The following CHEK2 variants were observed in gnomAD, a reference collection of about 807,000 sequenced individuals.
CHEK2 encodes checkpoint kinase 2.
Under a neutral mutation model 69.1 loss-of-function variants are expected in CHEK2, and 71 were observed. The observed-to-expected ratio is 1.03, with a 90% CI of 0.85 to 1.25. The LOEUF (loss-of-function observed/expected upper bound fraction) is 1.25. Ranked by LOEUF, CHEK2 falls within the 50% of genes most tolerant of loss-of-function variation. CHEK2 has a pLI of 0.00. For missense variants in CHEK2, 664 were observed against 649.6 expected (o/e 1.02, Z -0.24); for synonymous variants, 189 against 226.9 (o/e 0.83, Z 1.50).
At chr22:28,712,674 A>G (rs1440341413) in intron 5 of CHEK2, among the ~76,000 whole-genome samples, 1 of 152,216 alleles carries the variant, frequency 6.6e-6, no homozygotes, top group African/African-American at 2.4e-5. Flanking sequence ...TCTGTCCTCC[A>G]AAGCTTGGGT....
At chr22:28,699,605 C>T (rs558034993) in intron 9 of CHEK2, among the ~76,000 whole-genome samples, 6 of 151,720 alleles carry the variant, frequency 4.0e-5, no homozygotes, top group Admixed American at 1.3e-4. Flanking sequence ...CCTCGTGATC[C>T]GCCCGCTTGG....
At chr22:28,729,996 C>T (rs557656167) in intron 2 of CHEK2, among the ~76,000 whole-genome samples, 3 of 151,384 alleles carry the variant, frequency 2.0e-5, no homozygotes, top group African/African-American at 7.3e-5. Flanking sequence ...CCTGCCACCA[C>T]GCCCGGCTAA....
Position 28,725,020 on chromosome 22 carries a change from C to T in CHEK2, c.549G>A (p.Leu183=), listed in dbSNP as rs745646057. 1 of 1,613,880 alleles carries T rather than the reference C, an allele frequency of 6.2e-7. No homozygotes were observed. The highest frequency in any genetic ancestry group is 8.5e-7 in the Non-Finnish European group (1 of 1,179,950). ...ACAGTGCAATTTCAGAATTGTTATT[C>T]AAAGGACGGCGTTTTCCTTTCCCTA... The part of the protein sequence containing the change: ...ELVGKGKRRP[L]NNNSEIALSL... Residue 183 remains leucine, a synonymous_variant, in exon 4 of 15, where the codon TTG becomes TTA. Coordinates refer to ENST00000404276, the MANE Select transcript of CHEK2 (RefSeq NM_007194.4).
intron 2 of CHEK2, among the ~76,000 whole-genome samples, chr22:28,730,218 A>G (rs1395329881): frequency 1.8e-5 from 2 of 111,240 alleles, no homozygotes; most frequent in African/African-American, 3.5e-5. Context: ...AAGAGAGAAG[A>G]GGAGAGAGAA....
chr22:28,724,527 A>T (rs893603943), intron 4 of CHEK2: 13 of 254,228 alleles, frequency 5.1e-5, no homozygotes, highest in Non-Finnish European at 8.6e-5. Flanking sequence ...TTACAATGCA[A>T]CTAGGACGGC....
chr22:28,704,098 G>A (rs771648455), intron 7 of CHEK2, among the ~76,000 whole-genome samples: 3 of 140,756 alleles, frequency 2.1e-5, no homozygotes, highest in Non-Finnish European at 3.0e-5. Flanking sequence ...CACTTGGGTC[G>A]GGGGCAGAGA....
rs1250779080 is a variant in CHEK2 at position 28,719,480 on chromosome 22, CA to C, written c.597del (p.Phe199LeufsTer6). 3.2e-6 allele frequency: 5 copies of C among 1,575,952 alleles called. No homozygotes were observed. The highest frequency in any genetic ancestry group is 4.3e-6 in the Non-Finnish European group (5 of 1,153,468). ...IALSLSRNKV[F>X]VFFDLTVDDQ... ...TCATCTACAGTCAGATCAAAAAAGA[CA>C]AAAACTAAGGAAGAAAAGAGTAGAA... On this transcript the variant is annotated frameshift_variant, in exon 5 of 15. Coordinates refer to ENST00000404276, the MANE Select transcript of CHEK2 (RefSeq NM_007194.4). LOFTEE classifies it high-confidence loss of function.
chr22:28,711,356 C>A lies in CHEK2; in HGVS notation c.792+553G>T, dbSNP rs989791758. ...AATAAGAAATTACCTAAATGATCAG[C>A]CAGAGAAATGGTTAAGTAAATTACA... On this transcript the variant is annotated intron_variant, in intron 6 of 14. Transcript: ENST00000404276. 6.6e-5 allele frequency among the ~76,000 whole-genome samples: 10 copies of A among 152,144 alleles called. No homozygotes were observed. The South Asian group carries it at 2.1e-3, about 32-fold the overall frequency.
rs373614154 is a variant in CHEK2, at chr22:28,739,804, T to G, written c.-7+1965A>C. ...GGAAAGAATGTGCAGAAAGGGGAAC[T>G]GTATAGAGTGCTCTTGACATAAGTA... On this transcript the variant is annotated intron_variant, in intron 1 of 14. Coordinates refer to ENST00000404276, the MANE Select transcript of CHEK2 (RefSeq NM_007194.4). Among the ~76,000 whole-genome samples, 15 of 152,304 alleles carry G rather than the reference T, an allele frequency of 9.8e-5. No homozygotes were observed. In the East Asian group the frequency reaches 2.1e-3, roughly 22 times the overall value.
intron 7 of CHEK2, 48 bp downstream of exon 7, chr22:28,709,958 T>C: frequency 1.8e-6 from 2 of 1,082,638 alleles, no homozygotes; most frequent in South Asian, 1.3e-5. Flanking sequence ...ACTCTTCTCA[T>C]ATTTTGAGAT....
At chr22:28,734,353 G>GT in intron 2 of CHEK2, 50 bp downstream of exon 2, 3 of 1,572,032 alleles carry the variant, frequency 1.9e-6, no homozygotes, top group Non-Finnish European at 2.6e-6. Flanking sequence ...ACAACTTTCT[G>GT]TAAGTGTTTT....
chr22:28,699,355 GCTTT>G (rs1399637998), intron 9 of CHEK2, among the ~76,000 whole-genome samples: 1 of 136,742 alleles, frequency 7.3e-6, no homozygotes, highest in Admixed American at 8.1e-5. Context: ...CACAGTGAGA[GCTTT>G]TTCTTTTTTT....
intron 2 of CHEK2, among the ~76,000 whole-genome samples, chr22:28,725,921 A>AAAG (rs2053992048): frequency 2.7e-5 from 4 of 149,000 alleles, no homozygotes; most frequent in Non-Finnish European, 4.5e-5. Context: ...AAAAAAAAAA[A>AAAG]TGGCCAGGTG....
intron 2 of CHEK2, among the ~76,000 whole-genome samples, chr22:28,728,765 T>G (rs1333099307): frequency 1.3e-5 from 2 of 152,004 alleles, no homozygotes; most frequent in African/African-American, 4.8e-5. Flanking sequence ...CAAAGAAAAG[T>G]GCAGTCCCAG....
intron 6 of CHEK2, 72 bp from the exon 7 acceptor site, chr22:28,710,131 A>T (rs2053341640): frequency 9.2e-7 from 1 of 1,090,554 alleles, no homozygotes; most frequent in African/African-American, 1.6e-5. Context: ...TTTACAGTTA[A>T]ACTCAGTTGA....
chr22:28,733,984 T>C (rs1460162328), intron 2 of CHEK2, among the ~76,000 whole-genome samples: 1 of 151,864 alleles, frequency 6.6e-6, no homozygotes, highest in Admixed American at 6.6e-5. Context: ...CACTCTGGCC[T>C]ATGATCCGTC....
At chr22:28,738,224 C>G (rs186662341) in intron 1 of CHEK2, among the ~76,000 whole-genome samples, 2 of 152,192 alleles carry the variant, frequency 1.3e-5, no homozygotes, top group African/African-American at 2.4e-5. Context: ...AAAAAAGATA[C>G]AAAGGTTCTG....
Position 28,703,512 on chromosome 22 carries a change from A to T in CHEK2, c.901T>A (p.Leu301Met), listed in dbSNP as rs2052975543. ...AAAAAGTTTACTACTTACAATTCCA[A>T]AACAATATAATAATCTTCTGCATCA... The part of the protein sequence containing the change: ...FFDAEDYYIV[L>M]ELMEGGELFD... Residue 301 changes from leucine (L) to methionine (M), a missense_variant, in exon 8 of 15, where the codon TTG becomes ATG. By Grantham distance (15) the Leu-to-Met change is conservative. Coordinates refer to ENST00000404276, the MANE Select transcript of CHEK2 (RefSeq NM_007194.4). The T allele has an allele frequency of 6.8e-7, 1 of 1,464,784 alleles. No homozygotes were observed. Among genetic ancestry groups the T allele is most frequent in the Non-Finnish European group, 9.5e-7 (1 of 1,054,668 alleles). The allele number at this position is 1,464,784 out of a possible 1,614,324, so 90.7% of individuals were successfully genotyped here. A position where few individuals can be genotyped will look rare whatever the true frequency, so the allele number is the denominator to read the frequency against.
Position 28,725,123 on chromosome 22 carries a change from T to C in CHEK2, c.446A>G (p.Glu149Gly), listed in dbSNP as rs786203794. 1.2e-6 allele frequency: 2 copies of C among 1,614,012 alleles called. No homozygotes were observed. Among genetic ancestry groups the C allele is most frequent in the Non-Finnish European group, 1.7e-6 (2 of 1,180,012 alleles). Residue 149 changes from glutamate (E) to glycine (G), a missense_variant and splice_region_variant, in exon 4 of 15, where the codon GAA becomes GGA. Physicochemically the swap from Glu to Gly is moderately conservative, Grantham distance 98. Transcript: ENST00000404276. The stretch of plus-strand genomic sequence containing the variant: ...AATGTAAGAGTTTTTAGGACCCACT[T>C]CCTAAAATAGAGAACATTTTGTTTC... ...YSKKHFRIFR[E>G]VGPKNSYIAY... is the part of the protein sequence containing the mutation.
Sources: gnomAD v4.1 joint callset for allele counts (sites outside exome capture counted in the v4.1 genomes callset) on GRCh38, gnomAD v4.1.1 for gene constraint, MANE v1.5 for transcripts, NCBI Gene and HGNC (gene_info 2026-07-23, HGNC 2026-07-21) for gene names.